The following TMEM164 variants were observed in gnomAD, a reference collection of about 807,000 sequenced individuals.
The protein encoded by TMEM164 is transmembrane protein 164.
In TMEM164, 4 loss-of-function variants were observed where a neutral mutation model predicts 18.8. That is an observed-to-expected ratio of 0.21 (90% confidence interval 0.10 to 0.49). The LOEUF (loss-of-function observed/expected upper bound fraction) is 0.49. Ranked by LOEUF, TMEM164 falls within the 20% of genes least tolerant of loss-of-function variation. TMEM164 has a pLI of 0.98. For missense variants in TMEM164, 108 were observed against 239.9 expected (o/e 0.45, Z 3.63); for synonymous variants, 86 against 101.7 (o/e 0.85, Z 0.93).
At chrX:110,161,757 G>A (rs1169813177) in intron 5 of TMEM164, among the ~76,000 whole-genome samples, 2 of 112,003 alleles carry the variant, frequency 1.8e-5, no homozygotes, top group Non-Finnish European at 1.9e-5. Context: ...ATGGTTGGAG[G>A]ACCCAAGCAT....
chrX:110,120,518 T>C (rs190834831), intron 4 of TMEM164, among the ~76,000 whole-genome samples: 1 of 112,229 alleles, frequency 8.9e-6, no homozygotes, highest in African/African-American at 3.2e-5. Context: ...TACATTGTGA[T>C]ATTTAGATAC....
At chrX:110,123,932 T>C (rs1242423257) in intron 4 of TMEM164, among the ~76,000 whole-genome samples, 1 of 111,370 alleles carries the variant, frequency 9.0e-6, no homozygotes, top group Non-Finnish European at 1.9e-5. Context: ...GCCAACATAG[T>C]GAGACCGGTC....
chrX:110,082,526 G>A (rs975067080), intron 3 of TMEM164, among the ~76,000 whole-genome samples: 3 of 111,410 alleles, frequency 2.7e-5, no homozygotes, highest in African/African-American at 9.8e-5. Context: ...ATATCCTTAG[G>A]GATGGTTTTG....
chrX:110,057,904 G>A (rs1015416988), intron 2 of TMEM164, among the ~76,000 whole-genome samples: 9 of 110,424 alleles, frequency 8.2e-5, no homozygotes, highest in African/African-American at 3.0e-4. Flanking sequence ...CATCAAATTT[G>A]TGGTTTGCAA....
intron 5 of TMEM164, among the ~76,000 whole-genome samples, chrX:110,159,284 C>T (rs893390036): frequency 2.7e-5 from 3 of 110,520 alleles, no homozygotes; most frequent in African/African-American, 9.9e-5. Flanking sequence ...GGAAGAAAGG[C>T]TAGAAGAGAG....
intron 5 of TMEM164, among the ~76,000 whole-genome samples, chrX:110,162,328 C>T (rs2067104519): frequency 8.9e-6 from 1 of 112,443 alleles, no homozygotes; most frequent in African/African-American, 3.2e-5. Context: ...GGGCCCTCAT[C>T]CTGTGTACTA....
chrX:110,139,801 G>A (rs1419440758), intron 4 of TMEM164, among the ~76,000 whole-genome samples: 3 of 110,877 alleles, frequency 2.7e-5, no homozygotes, highest in Admixed American at 1.9e-4. Flanking sequence ...TTGGTGAGGG[G>A]GCAGTAAAAA....
At chrX:110,043,026 T>A (rs1008582424) in intron 2 of TMEM164, among the ~76,000 whole-genome samples, 1 of 112,571 alleles carries the variant, frequency 8.9e-6, no homozygotes, top group African/African-American at 3.2e-5. Flanking sequence ...CTCTGATTTA[T>A]GGCATTTGCC....
At chrX:110,129,537 A>G (rs1399496187) in intron 4 of TMEM164, among the ~76,000 whole-genome samples, 1 of 112,776 alleles carries the variant, frequency 8.9e-6, no homozygotes, top group Non-Finnish European at 1.9e-5. Flanking sequence ...CTGGCTAGAA[A>G]ATTCCTTGTG....
chrX:110,029,421 C>T (rs757008626), intron 2 of TMEM164, among the ~76,000 whole-genome samples: 9 of 111,716 alleles, frequency 8.1e-5, no homozygotes, highest in African/African-American at 2.9e-4. Flanking sequence ...TACCTCTCTG[C>T]CTTTTAGGTT....
intron 5 of TMEM164, among the ~76,000 whole-genome samples, chrX:110,155,975 G>A (rs2067010791): frequency 9.0e-6 from 1 of 111,693 alleles, no homozygotes; most frequent in Admixed American, 9.5e-5. Context: ...TGCAATCATA[G>A]CTCACTGCAG....
intron 5 of TMEM164, among the ~76,000 whole-genome samples, chrX:110,151,697 C>T (rs369901864): frequency 3.6e-5 from 4 of 111,447 alleles, no homozygotes; most frequent in East Asian, 5.7e-4. Flanking sequence ...GCATGAGAAT[C>T]GCTTGAACCC....
At chrX:110,163,226 A>G (rs2067115472) in intron 5 of TMEM164, among the ~76,000 whole-genome samples, 1 of 112,153 alleles carries the variant, frequency 8.9e-6, no homozygotes, top group Non-Finnish European at 1.9e-5. Context: ...GAGGAATTCT[A>G]GGTAGGGAGT....
In TMEM164 at chrX:110,177,242, T is replaced by C. The variant is rs1160242543; in HGVS notation, c.*3791T>C. ...CTCTTGCTTTCTTTTGGTGTCCATT[T>C]TGTGTTCTATTTTAAAGAATCTTTC... On this transcript the variant is annotated 3_prime_UTR_variant, in exon 7 of 7. Transcript: ENST00000372068. 1.8e-5 allele frequency: 2 copies of C among 112,989 alleles called. No homozygotes were observed. Among genetic ancestry groups the C allele is most frequent in the African/African-American group, 6.4e-5 (2 of 31,072 alleles). 9.3% of individuals were successfully genotyped at this position (112,989 alleles called of 1,213,427 possible).
At chrX:110,157,834 A>G (rs747049410) in intron 5 of TMEM164, among the ~76,000 whole-genome samples, 3 of 111,597 alleles carry the variant, frequency 2.7e-5, no homozygotes, top group Non-Finnish European at 3.8e-5. Flanking sequence ...TGGATTTCTC[A>G]TTCGATTTTA....
chrX:110,021,713 C>A (rs1218854769), intron 2 of TMEM164, among the ~76,000 whole-genome samples: 2 of 111,824 alleles, frequency 1.8e-5, no homozygotes, highest in Admixed American at 1.9e-4. Context: ...CCAATTAAGC[C>A]TCTGATACAT....
At chrX:110,083,603 T>C (rs1162498178) in intron 3 of TMEM164, among the ~76,000 whole-genome samples, 2 of 111,316 alleles carry the variant, frequency 1.8e-5, no homozygotes, top group African/African-American at 6.5e-5. Flanking sequence ...AGGATTTTGA[T>C]TGGAACTACT....
intron 4 of TMEM164, among the ~76,000 whole-genome samples, chrX:110,135,224 A>G (rs1212625722): frequency 9.2e-6 from 1 of 108,925 alleles, no homozygotes; most frequent in African/African-American, 3.4e-5. Context: ...ATACAAACTT[A>G]TTCCTTTTCT....
At chrX:110,157,639 T>C (rs1247872784) in intron 5 of TMEM164, among the ~76,000 whole-genome samples, 1 of 111,037 alleles carries the variant, frequency 9.0e-6, no homozygotes, top group Admixed American at 9.6e-5. Flanking sequence ...TTGAGAAGGG[T>C]AATGACAAGA....
Sources: gnomAD v4.1 joint callset for allele counts (sites outside exome capture counted in the v4.1 genomes callset) on GRCh38, gnomAD v4.1.1 for gene constraint, MANE v1.5 for transcripts, NCBI Gene and HGNC (gene_info 2026-07-23, HGNC 2026-07-21) for gene names.